The following RAPGEF6 variants were observed in gnomAD, a reference collection of about 807,000 sequenced individuals.
The protein encoded by RAPGEF6 is Rap guanine nucleotide exchange factor 6.
Under a neutral mutation model 171.4 loss-of-function variants are expected in RAPGEF6, and 56 were observed. The observed-to-expected ratio is 0.33, with a 90% CI of 0.26 to 0.41. The LOEUF (loss-of-function observed/expected upper bound fraction) is 0.41, where lower values mean the gene tolerates loss of function less well. Ranked by LOEUF, RAPGEF6 falls within the 10% of genes least tolerant of loss-of-function variation. The probability of loss-of-function intolerance (pLI) is 1.00; values close to 1 mark genes in which losing one functional copy is unlikely to be tolerated. For synonymous variants in RAPGEF6, 692 were observed against 650.1 expected (o/e 1.06, Z -0.98); for missense variants, 1,674 against 1,921.4 (o/e 0.87, Z 2.41).
At chr5:131,471,256 T>C (rs1241320087) in intron 17 of RAPGEF6, among the ~76,000 whole-genome samples, 1 of 151,922 alleles carries the variant, frequency 6.6e-6, no homozygotes, top group East Asian at 1.9e-4. Flanking sequence ...ATGTAGAGAG[T>C]GTGATGTGCC....
intron 21 of RAPGEF6, chr5:131,450,087 T>C (rs768047364): frequency 2.0e-6 from 3 of 1,523,312 alleles, no homozygotes; most frequent in South Asian, 2.4e-5. Context: ...TGTGTTTGAA[T>C]AGGAAAGCAC....
chr5:131,629,590 C>CAAAAAA (rs34845240), intron 1 of RAPGEF6, among the ~76,000 whole-genome samples: 1 of 117,034 alleles, frequency 8.5e-6, no homozygotes, highest in East Asian at 2.5e-4. Flanking sequence ...CTCGTCTCTA[C>CAAAAAA]AAAAAAAAAA....
chr5:131,519,123 T>C (rs889165864), intron 7 of RAPGEF6, among the ~76,000 whole-genome samples: 1 of 152,166 alleles, frequency 6.6e-6, no homozygotes, highest in South Asian at 2.1e-4. Flanking sequence ...GGTCCTGCAA[T>C]AGAACACCTC....
intron 19 of RAPGEF6, among the ~76,000 whole-genome samples, chr5:131,457,158 G>T (rs1753569149): frequency 6.6e-6 from 1 of 152,090 alleles, no homozygotes; most frequent in Non-Finnish European, 1.5e-5. Flanking sequence ...GCCTCCCAGG[G>T]TCAAGTGATT....
intron 4 of RAPGEF6, among the ~76,000 whole-genome samples, chr5:131,572,947 G>A (rs753003635): frequency 1.3e-5 from 2 of 151,972 alleles, no homozygotes; most frequent in Non-Finnish European, 2.9e-5. Context: ...CAAAAATTGC[G>A]CAAATGGTCT....
intron 20 of RAPGEF6, 141 bp downstream of exon 20, chr5:131,455,660 C>G: frequency 4.5e-6 from 3 of 668,666 alleles, no homozygotes; most frequent in Non-Finnish European, 7.6e-6. Flanking sequence ...GGTATGACAT[C>G]TAATTCAACA....
intron 6 of RAPGEF6, among the ~76,000 whole-genome samples, chr5:131,533,978 C>A (rs879735200): frequency 1.3e-5 from 2 of 152,246 alleles, no homozygotes; most frequent in Admixed American, 1.3e-4. Context: ...TGCTACAAGG[C>A]ATTAGATACT....
At chr5:131,470,186 A>C (rs1429955322) in intron 17 of RAPGEF6, among the ~76,000 whole-genome samples, 1 of 152,216 alleles carries the variant, frequency 6.6e-6, no homozygotes, top group Non-Finnish European at 1.5e-5. Context: ...AATACCTATC[A>C]TATATGTGTT....
intron 4 of RAPGEF6, among the ~76,000 whole-genome samples, chr5:131,566,958 G>A (rs528269944): frequency 1.3e-5 from 2 of 151,892 alleles, no homozygotes; most frequent in East Asian, 3.9e-4. Context: ...TCTGGGCGTG[G>A]TGGTATGCAC....
Position 131,448,564 on chromosome 5 carries a change from A to G in RAPGEF6, c.3201-1861T>C, listed in dbSNP as rs368755849. Among the ~76,000 whole-genome samples, 16 of 152,342 alleles carry G rather than the reference A, an allele frequency of 1.1e-4. No individual in the cohort carries two copies. In the East Asian group the frequency reaches 2.3e-3, roughly 22 times the overall value. On this transcript the variant is annotated intron_variant, in intron 21 of 27. Transcript: ENST00000509018. ...CTATTTAGGAGCAAATTTTAACACAAATATTTAATGATTTTTATCTTAGTT... is the reference window on the plus strand; with the variant it reads ...CTATTTAGGAGCAAATTTTAACACAGATATTTAATGATTTTTATCTTAGTT...
chr5:131,525,662 G>GA (rs33959486), intron 6 of RAPGEF6, among the ~76,000 whole-genome samples: 39 of 149,866 alleles, frequency 2.6e-4, no homozygotes, highest in African/African-American at 3.7e-4. Context: ...ATTTAGATAT[G>GA]AAAAAAAAAA....
intron 15 of RAPGEF6, among the ~76,000 whole-genome samples, chr5:131,488,347 C>T (rs1756061907): frequency 6.6e-6 from 1 of 152,224 alleles, no homozygotes; most frequent in Admixed American, 6.5e-5. Context: ...GTATTAGATA[C>T]TTAGAAGAAA....
chr5:131,513,068 T>G (rs1757846114), intron 7 of RAPGEF6, among the ~76,000 whole-genome samples: 1 of 152,220 alleles, frequency 6.6e-6, no homozygotes, highest in Non-Finnish European at 1.5e-5. Context: ...TAGTACGCTC[T>G]GAGTTGTTTA....
chr5:131,497,104 A>C (rs1187915982), intron 12 of RAPGEF6, among the ~76,000 whole-genome samples: 3 of 152,144 alleles, frequency 2.0e-5, no homozygotes, highest in African/African-American at 4.8e-5. Flanking sequence ...TGAGGTTATG[A>C]CTGCATATCT....
At chr5:131,498,728 G>T in intron 11 of RAPGEF6, 121 bp from the exon 12 acceptor site, 1 of 922,452 alleles carries the variant, frequency 1.1e-6, no homozygotes, top group Admixed American at 2.7e-5. Flanking sequence ...GTACAGTTTC[G>T]CCTTTAAATC....
Position 131,611,873 on chromosome 5 carries a change from T to C in RAPGEF6, c.70-7180A>G, listed in dbSNP as rs185487021. Among the ~76,000 whole-genome samples the C allele has an allele frequency of 2.1e-4, 32 of 152,272 alleles. No homozygotes were observed. In the East Asian group the frequency reaches 6.2e-3, roughly 29 times the overall value. ...CAGTATTATTTCTTTCTTCCCAAAT[T>C]ATACACTTTCCCCCATTTTTTCATG... On this transcript the variant is annotated intron_variant, in intron 1 of 27. Transcript: ENST00000509018.
chr5:131,553,925 A>C (rs1012843114), intron 5 of RAPGEF6, among the ~76,000 whole-genome samples: 2 of 152,082 alleles, frequency 1.3e-5, no homozygotes, highest in African/African-American at 4.8e-5. Context: ...TTGAAAAAAA[A>C]AATGTCAAGA....
At chr5:131,430,505 G>A (rs1313055632) in intron 26 of RAPGEF6, among the ~76,000 whole-genome samples, 1 of 152,074 alleles carries the variant, frequency 6.6e-6, no homozygotes, top group African/African-American at 2.4e-5. Context: ...ACCAATTGTG[G>A]TCCAAACAAT....
At chr5:131,531,905 G>GC (rs958692470) in intron 6 of RAPGEF6, among the ~76,000 whole-genome samples, 2 of 151,826 alleles carry the variant, frequency 1.3e-5, no homozygotes, top group Non-Finnish European at 2.9e-5. Context: ...GATTTAAAAC[G>GC]CACCTTTCAA....
Sources: gnomAD v4.1 joint callset for allele counts (sites outside exome capture counted in the v4.1 genomes callset) on GRCh38, gnomAD v4.1.1 for gene constraint, MANE v1.5 for transcripts, NCBI Gene and HGNC (gene_info 2026-07-23, HGNC 2026-07-21) for gene names.